Variants in SLIT2 observed in about 807,000 individuals in gnomAD.
The protein encoded by SLIT2 is slit guidance ligand 2.
A neutral mutation model predicts 185.7 loss-of-function variants in SLIT2; 41 were observed. The ratio of observed to expected loss-of-function variants is 0.22; its 90% CI spans 0.17 to 0.29. The LOEUF (loss-of-function observed/expected upper bound fraction) is 0.29. SLIT2 is among the 10% of genes least tolerant of loss of function. The pLI is 1.00. For synonymous variants in SLIT2, 693 were observed against 680.2 expected, an observed-to-expected ratio of 1.02 and a Z score of -0.29; for missense variants, 1,571 against 1,909.0, an observed-to-expected ratio of 0.82 and a Z score of 3.30.
chr4:20,417,769 C>T (rs1322390176), intron 4 of SLIT2, among the ~76,000 whole-genome samples: 1 of 152,028 alleles, frequency 6.6e-6, no homozygotes, highest in African/African-American at 2.4e-5. Flanking sequence ...CCGCCCGCCT[C>T]AGCCTCCCAA....
chr4:20,520,727 G>A (rs935390709), intron 12 of SLIT2, among the ~76,000 whole-genome samples: 1 of 152,046 alleles, frequency 6.6e-6, no homozygotes, highest in African/African-American at 2.4e-5. Context: ...GAAACAAAAT[G>A]TTAATGAAAC....
chr4:20,435,586 A>C (rs557538568), intron 4 of SLIT2, among the ~76,000 whole-genome samples: 1 of 152,334 alleles, frequency 6.6e-6, no homozygotes, highest in South Asian at 2.1e-4. Flanking sequence ...CTCTGGAAAA[A>C]ACAGACATGC....
At chr4:20,466,149 C>T (rs1304077808) in intron 4 of SLIT2, among the ~76,000 whole-genome samples, 1 of 152,092 alleles carries the variant, frequency 6.6e-6, no homozygotes, top group African/African-American at 2.4e-5. Context: ...TGTCTTCTAT[C>T]TCTCTTTGCT....
chr4:20,603,755 C>T (rs570173707), intron 33 of SLIT2, among the ~76,000 whole-genome samples: 2 of 152,244 alleles, frequency 1.3e-5, no homozygotes, highest in South Asian at 4.1e-4. Context: ...TGGCTACATA[C>T]ACTCTGGGTT....
At chr4:20,560,513 G>A (rs1209856142) in intron 26 of SLIT2, among the ~76,000 whole-genome samples, 1 of 151,778 alleles carries the variant, frequency 6.6e-6, no homozygotes, top group African/African-American at 2.4e-5. Context: ...CAAATGTCCT[G>A]ACCTCATCTT....
chr4:20,434,355 G>T (rs534760320), intron 4 of SLIT2, among the ~76,000 whole-genome samples: 3 of 152,028 alleles, frequency 2.0e-5, no homozygotes, highest in Non-Finnish European at 4.4e-5. Flanking sequence ...GCGTGGTGGC[G>T]CATGCCTGTA....
chr4:20,497,332 G>A (rs939121966), intron 9 of SLIT2, among the ~76,000 whole-genome samples: 1 of 151,898 alleles, frequency 6.6e-6, no homozygotes, highest in African/African-American at 2.4e-5. Context: ...GGCTAAAATG[G>A]CTTCAATCAT....
intron 16 of SLIT2, 62 bp from the exon 17 acceptor site, chr4:20,531,922 C>T: frequency 2.3e-6 from 2 of 879,514 alleles, no homozygotes; most frequent in Non-Finnish European, 3.5e-6. Context: ...TTTGAGAAAT[C>T]AAATTTAATC....
intron 11 of SLIT2, 104 bp downstream of exon 11, chr4:20,511,241 A>G: frequency 1.6e-6 from 1 of 621,668 alleles, no homozygotes; most frequent in Non-Finnish European, 2.9e-6. Flanking sequence ...TTTATTATGA[A>G]TAATGAATTA....
chr4:20,379,200 G>C (rs1245956169), intron 4 of SLIT2, among the ~76,000 whole-genome samples: 3 of 152,072 alleles, frequency 2.0e-5, no homozygotes, highest in Non-Finnish European at 4.4e-5. Flanking sequence ...CTCATCAGTT[G>C]TAATAAAGAT....
chr4:20,603,062 G>A (rs558273226), intron 33 of SLIT2, among the ~76,000 whole-genome samples: 70 of 152,248 alleles, frequency 4.6e-4, no homozygotes, highest in African/African-American at 1.6e-3. Flanking sequence ...GCTGATAAAG[G>A]CATACCTGAG....
intron 4 of SLIT2, among the ~76,000 whole-genome samples, chr4:20,384,714 A>T (rs995788580): frequency 6.6e-6 from 1 of 152,160 alleles, no homozygotes; most frequent in Non-Finnish European, 1.5e-5. Context: ...ACATAAGGAG[A>T]TTAGCACATA....
At chr4:20,274,407 T>A (rs538506779) in intron 4 of SLIT2, among the ~76,000 whole-genome samples, 10 of 152,262 alleles carry the variant, frequency 6.6e-5, no homozygotes, top group African/African-American at 1.9e-4. Flanking sequence ...TGAACACAAC[T>A]CAAAATAGCC....
intron 6 of SLIT2, among the ~76,000 whole-genome samples, chr4:20,482,177 T>C (rs1402432659): frequency 6.6e-6 from 1 of 151,962 alleles, no homozygotes; most frequent in East Asian, 1.9e-4. Flanking sequence ...GACTACCAAA[T>C]TTAATCAAAC....
intron 21 of SLIT2, among the ~76,000 whole-genome samples, chr4:20,544,218 A>G (rs959864382): frequency 2.6e-5 from 4 of 152,144 alleles, no homozygotes; most frequent in African/African-American, 9.7e-5. Flanking sequence ...TAAAAAATAA[A>G]AAAAGAATAT....
chr4:20,321,244 A>C (rs1719052295), intron 4 of SLIT2, among the ~76,000 whole-genome samples: 1 of 152,214 alleles, frequency 6.6e-6, no homozygotes, highest in Non-Finnish European at 1.5e-5. Flanking sequence ...TTCTCCAAAG[A>C]AGCCCAGGCT....
chr4:20,257,956 C>T lies in SLIT2; in HGVS notation c.323+17C>T. The T allele has an allele frequency of 4.9e-6, 6 of 1,223,514 alleles. No homozygotes were observed. Among genetic ancestry groups the T allele is most frequent in the Non-Finnish European group, 4.8e-6 (4 of 841,776 alleles). The allele number at this position is 1,223,514 out of a possible 1,614,324, so 75.8% of individuals were successfully genotyped here. On this transcript the variant is annotated intron_variant, in intron 3 of 36. Coordinates refer to ENST00000504154, the MANE Select transcript of SLIT2 (RefSeq NM_004787.4). Reference sequence around the variant, plus strand: ...AGAGAGACTGTAAGTATTTTCAATTCCAAAGTTATGACAACATAACTGTGT... The same window carrying T: ...AGAGAGACTGTAAGTATTTTCAATTTCAAAGTTATGACAACATAACTGTGT...
At chr4:20,335,206 A>G (rs966540064) in intron 4 of SLIT2, among the ~76,000 whole-genome samples, 3 of 152,126 alleles carry the variant, frequency 2.0e-5, no homozygotes, top group Admixed American at 6.6e-5. Flanking sequence ...GCCAAACCAT[A>G]TCAGGGAGCT....
In SLIT2 at chr4:20,484,954, T is replaced by A. The variant is rs1365861426; in HGVS notation, c.540-1246T>A. ...TATTTTTGCACGTGGCCTGCTTCGC[T>A]CATTTCTGTTCTCTGCTCAGGCCCT... On this transcript the variant is annotated intron_variant, in intron 6 of 36. Transcript: ENST00000504154. The surrounding 1 kb of genome is among the most constrained non-coding windows in gnomAD (Gnocchi z 4.3). Among the ~76,000 whole-genome samples, 1 of 152,152 alleles carries A rather than the reference T, an allele frequency of 6.6e-6. No individual in the cohort carries two copies. Among genetic ancestry groups the A allele is most frequent in the Non-Finnish European group, 1.5e-5 (1 of 68,006 alleles).
Sources: gnomAD v4.1 joint callset for allele counts (sites outside exome capture counted in the v4.1 genomes callset) on GRCh38, gnomAD v4.1.1 for gene constraint, Gnocchi (gnomAD v3.1) non-coding constraint, MANE v1.5 for transcripts, NCBI Gene and HGNC (gene_info 2026-07-23, HGNC 2026-07-21) for gene names.